The following MAGI2 variants were observed in gnomAD, a reference collection of about 807,000 sequenced individuals.
MAGI2 encodes the protein membrane-associated guanylate kinase, WW and PDZ domain-containing protein 2.
A neutral mutation model predicts 133.3 loss-of-function variants in MAGI2; 35 were observed. The ratio of observed to expected loss-of-function variants is 0.26; its 90% confidence interval spans 0.20 to 0.35. The LOEUF is 0.35. MAGI2 is among the 10% of genes least tolerant of loss of function. The pLI, the probability that MAGI2 is intolerant of heterozygous loss-of-function variation, is 1.00. For missense variants in MAGI2, 1,636 were observed against 1,863.4 expected (o/e 0.88, Z 2.25); for synonymous variants, 729 against 710.6 (o/e 1.03, Z -0.41).
At chr7:78,043,592 A>G (rs1412283899) in intron 21 of MAGI2, among the ~76,000 whole-genome samples, 1 of 152,224 alleles carries the variant, frequency 6.6e-6, no homozygotes, top group Non-Finnish European at 1.5e-5. Flanking sequence ...AAGGCCTGTC[A>G]GTGCCTTCTT....
intron 2 of MAGI2, among the ~76,000 whole-genome samples, chr7:78,728,372 T>A (rs11760265): frequency 0.096 from 14,541 of 152,134 alleles, 820 homozygotes; most frequent in East Asian, 0.23. Flanking sequence ...TATACCCGCA[T>A]GAATTAGCAG....
chr7:78,036,842 G>C (rs2471620), intron 21 of MAGI2, among the ~76,000 whole-genome samples: 57,797 of 151,914 alleles, frequency 0.38, 11,311 homozygotes, highest in Non-Finnish European at 0.4. Flanking sequence ...TTGAACTCCT[G>C]ATCTCAAGCA....
At chr7:78,408,978 G>A (rs1333433927) in intron 6 of MAGI2, among the ~76,000 whole-genome samples, 1 of 152,026 alleles carries the variant, frequency 6.6e-6, no homozygotes, top group African/African-American at 2.4e-5. Flanking sequence ...GAGAGTAGAG[G>A]ATGAGGTTAG....
intron 1 of MAGI2, among the ~76,000 whole-genome samples, chr7:79,052,042 C>A (rs1320901840): frequency 6.6e-6 from 1 of 152,042 alleles, no homozygotes; most frequent in African/African-American, 2.4e-5. Context: ...TAGTTCCTAA[C>A]ACTCCCAATA....
At chr7:78,575,933 T>A (rs1802221438) in intron 3 of MAGI2, among the ~76,000 whole-genome samples, 1 of 152,146 alleles carries the variant, frequency 6.6e-6, no homozygotes, top group African/African-American at 2.4e-5. Flanking sequence ...TAATAATATA[T>A]CAACATAGGT....
At chr7:78,519,609 A>G (rs1796326802) in intron 4 of MAGI2, among the ~76,000 whole-genome samples, 1 of 152,224 alleles carries the variant, frequency 6.6e-6, no homozygotes, top group Non-Finnish European at 1.5e-5. Context: ...CTAACCATAA[A>G]AGCACATCAT....
chr7:78,058,396 G>A (rs946642215), intron 21 of MAGI2, among the ~76,000 whole-genome samples: 1 of 151,872 alleles, frequency 6.6e-6, no homozygotes, highest in Non-Finnish European at 1.5e-5. Flanking sequence ...TGCTCTTTCG[G>A]TTTTAACTGC....
chr7:79,010,677 C>T (rs1768823759), intron 1 of MAGI2, among the ~76,000 whole-genome samples: 1 of 152,044 alleles, frequency 6.6e-6, no homozygotes, highest in African/African-American at 2.4e-5. Context: ...ATTAATGTCT[C>T]GTTGCATGCT....
intron 2 of MAGI2, among the ~76,000 whole-genome samples, chr7:78,706,230 T>C (rs139805709): frequency 6.6e-6 from 1 of 152,212 alleles, no homozygotes; most frequent in African/African-American, 2.4e-5. Flanking sequence ...AACTGAATTA[T>C]GGAGGCAGGT....
At chr7:78,550,060 T>C (rs991177016) in intron 3 of MAGI2, among the ~76,000 whole-genome samples, 2 of 152,222 alleles carry the variant, frequency 1.3e-5, no homozygotes, top group African/African-American at 2.4e-5. Context: ...TCTTCCATCA[T>C]GTGTGGACAC....
At chr7:78,277,589 G>A (rs1374047052) in intron 9 of MAGI2, among the ~76,000 whole-genome samples, 1 of 152,150 alleles carries the variant, frequency 6.6e-6, no homozygotes, top group Non-Finnish European at 1.5e-5. Flanking sequence ...AGAAGCCCAT[G>A]AGGGAGATAG....
chr7:78,410,122 T>C (rs1427137342), intron 6 of MAGI2, among the ~76,000 whole-genome samples: 1 of 151,884 alleles, frequency 6.6e-6, no homozygotes, highest in Non-Finnish European at 1.5e-5. Context: ...TGCTTCCACT[T>C]TGTGCTCTCA....
At chr7:79,400,843 G>T (rs553202007) in intron 1 of MAGI2, among the ~76,000 whole-genome samples, 4 of 151,962 alleles carry the variant, frequency 2.6e-5, no homozygotes, top group Non-Finnish European at 5.9e-5. Context: ...TGTTGTACAA[G>T]CACAGCTATC....
At position 78,019,773 on chromosome 7, in the gene MAGI2, C is replaced by T. The variant is rs760239278; in HGVS notation, c.3910G>A (p.Gly1304Ser). Residue 1304 changes from glycine to serine, a missense_variant, in exon 22 of 22, where the codon GGC becomes AGC. By Grantham distance (56) the Gly-to-Ser change is moderately conservative. This residue lies in a region of MAGI2 where 354 missense variants were observed against 298.7 expected (regional missense o/e 1.19). Coordinates refer to ENST00000354212, the MANE Select transcript of MAGI2 (RefSeq NM_012301.4). ...VRKPKELSAC[G>S]QKKQRLGEQR... is the part of the protein sequence containing the mutation. ...TCCCCGAGGCGCTGCTTCTTCTGGCCGCAGGCTGAAAGCTCCTTTGGTTTC... is the reference window on the plus strand; with the variant it reads ...TCCCCGAGGCGCTGCTTCTTCTGGCTGCAGGCTGAAAGCTCCTTTGGTTTC... 8 of 1,612,834 alleles carry T rather than the reference C, an allele frequency of 5.0e-6. No homozygotes were observed. The East Asian group carries it at 1.3e-4, about 27-fold the overall frequency.
At chr7:79,168,933 T>TATATAA (rs1554393062) in intron 1 of MAGI2, among the ~76,000 whole-genome samples, 3 of 133,078 alleles carry the variant, frequency 2.3e-5, no homozygotes, top group African/African-American at 8.7e-5. Flanking sequence ...TATATATATA[T>TATATAA]AAATTTTTTT....
At chr7:78,649,247 A>AAAAAAAAG (rs1417040877) in intron 2 of MAGI2, among the ~76,000 whole-genome samples, 2 of 149,054 alleles carry the variant, frequency 1.3e-5, no homozygotes, top group African/African-American at 2.5e-5. Context: ...AAAAAAAAAG[A>AAAAAAAAG]AAAAAAGTAA....
At chr7:78,624,949 G>A (rs1808181166) in intron 3 of MAGI2, among the ~76,000 whole-genome samples, 1 of 151,918 alleles carries the variant, frequency 6.6e-6, no homozygotes, top group Non-Finnish European at 1.5e-5. Flanking sequence ...ACAGCCTCGG[G>A]CAGGTCCTTA....
At chr7:79,017,839 T>C (rs2116655282) in intron 1 of MAGI2, among the ~76,000 whole-genome samples, 1 of 152,216 alleles carries the variant, frequency 6.6e-6, no homozygotes. Context: ...AAGTCACAGC[T>C]TGAAGACTGG....
At chr7:78,112,664 A>G (rs553109639) in intron 20 of MAGI2, among the ~76,000 whole-genome samples, 26 of 152,274 alleles carry the variant, frequency 1.7e-4, no homozygotes, top group Non-Finnish European at 3.1e-4. Flanking sequence ...CTGTACTTTG[A>G]CAGCTTCTGT....
Sources: gnomAD v4.1 joint callset for allele counts (sites outside exome capture counted in the v4.1 genomes callset) on GRCh38, gnomAD v4.1.1 for gene constraint, gnomAD v4.1.1 regional missense constraint, MANE v1.5 for transcripts, NCBI Gene and HGNC (gene_info 2026-07-23, HGNC 2026-07-21) for gene names.